ANXA7: variants seen among roughly 807,000 people sequenced by gnomAD.
The protein encoded by ANXA7 is annexin A7.
A neutral mutation model predicts 64.9 loss-of-function variants in ANXA7; 55 were observed. That is an observed-to-expected ratio of 0.85 (90% CI 0.68 to 1.06). The LOEUF is 1.06. Ranked by LOEUF, ANXA7 falls within the 50% of genes least tolerant of loss-of-function variation. The pLI is 0.00. For synonymous variants in ANXA7, 200 were observed against 192.4 expected, an observed-to-expected ratio of 1.04 and a Z score of -0.33; for missense variants, 548 against 582.1, an observed-to-expected ratio of 0.94 and a Z score of 0.60.
At chr10:73,388,487 C>G in intron 5 of ANXA7, 73 bp from the exon 6 acceptor site, 8 of 1,154,558 alleles carry the variant, frequency 6.9e-6, no homozygotes, top group Non-Finnish European at 1.0e-5. Flanking sequence ...AAAGACTTCC[C>G]CAGACATCAA....
chr10:73,378,916 T>G lies in ANXA7; in HGVS notation c.1273A>C (p.Ser425Arg), dbSNP rs773798545. 6.2e-7 allele frequency: 1 copy of G among 1,612,402 alleles called. No homozygotes were observed. The highest frequency in any genetic ancestry group is 8.5e-7 in the Non-Finnish European group (1 of 1,178,762). The part of the protein sequence containing the change: ...STLVRIVVTR[S>R]EIDLVQIKQM... ...AAGAGAGAGGCCTGCCTCACCTCACTTCGAGTGACCACAATCCGGACCAGG... is the reference window on the plus strand; with the variant it reads ...AAGAGAGAGGCCTGCCTCACCTCACGTCGAGTGACCACAATCCGGACCAGG... Residue 425 changes from serine to arginine, a missense_variant, in exon 12 of 13, where the codon AGT becomes CGT. By Grantham distance (110) the Ser-to-Arg change is moderately radical. Transcript: ENST00000372921.
At chr10:73,387,633 T>C (rs962572643) in intron 7 of ANXA7, 56 bp downstream of exon 7, 1 of 1,329,526 alleles carries the variant, frequency 7.5e-7, no homozygotes, top group Non-Finnish European at 1.1e-6. Flanking sequence ...CAATCTGACA[T>C]GAATGCAGAG....
At chr10:73,402,954 A>T (rs927068327) in intron 1 of ANXA7, among the ~76,000 whole-genome samples, 2 of 151,890 alleles carry the variant, frequency 1.3e-5, no homozygotes, top group African/African-American at 2.4e-5. Context: ...CCTCCCAAGT[A>T]GCTGGGATTA....
At position 73,376,188 on chromosome 10, in the gene ANXA7, G is replaced by A. The variant is rs368419790; in HGVS notation, c.1308C>T (p.Phe436=). The A allele has an allele frequency of 6.6e-5, 105 of 1,595,448 alleles. No individual in the cohort carries two copies. Among genetic ancestry groups the A allele is most frequent in the Middle Eastern group, 1.7e-4 (1 of 6,028 alleles). ...CCAGAGTCTTCTGATACATCTGAGC[G>A]AACATCTGTTTTATTTGTACAAGGT... ...EIDLVQIKQM[F]AQMYQKTLGT... The change falls in exon 13 of 13, where the codon TTC becomes TTT. Residue 436 remains phenylalanine (F), a synonymous_variant. Coordinates refer to ENST00000372921, the MANE Select transcript of ANXA7 (RefSeq NM_001156.5).
chr10:73,396,614 G>A (rs750231695), intron 4 of ANXA7, 31 bp from the exon 5 acceptor site: 21 of 1,409,278 alleles, frequency 1.5e-5, no homozygotes, highest in Middle Eastern at 1.8e-4. Flanking sequence ...ATAATAATAC[G>A]GCAACAGGTC....
intron 1 of ANXA7, among the ~76,000 whole-genome samples, chr10:73,409,686 C>CA (rs2055810441): frequency 6.6e-6 from 1 of 152,036 alleles, no homozygotes; most frequent in South Asian, 2.1e-4. Flanking sequence ...TAATATGGAA[C>CA]AAAAAACAGC....
At chr10:73,410,050 T>C (rs2055815418) in intron 1 of ANXA7, among the ~76,000 whole-genome samples, 1 of 151,980 alleles carries the variant, frequency 6.6e-6, no homozygotes, top group South Asian at 2.1e-4. Flanking sequence ...CCTGAAACTA[T>C]AAAAATTCTA....
intron 1 of ANXA7, among the ~76,000 whole-genome samples, chr10:73,401,271 C>CA (rs968338148): frequency 2.9e-3 from 439 of 150,724 alleles, no homozygotes; most frequent in African/African-American, 9.7e-3. Context: ...ACAACACACA[C>CA]ACACACACAC....
chr10:73,404,639 T>A (rs145752202), intron 1 of ANXA7, among the ~76,000 whole-genome samples: 19 of 152,212 alleles, frequency 1.2e-4, no homozygotes, highest in African/African-American at 4.3e-4. Context: ...CATTACACTC[T>A]CCTGTCCATT....
intron 1 of ANXA7, among the ~76,000 whole-genome samples, chr10:73,411,928 T>A (rs914927826): frequency 2.7e-5 from 4 of 150,068 alleles, no homozygotes; most frequent in African/African-American, 9.8e-5. Context: ...GTGTAAAAAA[T>A]GCACTGATTT....
chr10:73,396,208 C>T, intron 5 of ANXA7: 1 of 790,932 alleles, frequency 1.3e-6, no homozygotes. Context: ...CACCCAAATT[C>T]ATAGGTGTAA....
intron 1 of ANXA7, among the ~76,000 whole-genome samples, chr10:73,403,498 AC>A (rs1034147356): frequency 6.6e-6 from 1 of 152,162 alleles, no homozygotes; most frequent in African/African-American, 2.4e-5. Context: ...TTAAAAAAAA[AC>A]AAAACAACAA....
At chr10:73,412,323 C>T (rs1042030002) in intron 1 of ANXA7, among the ~76,000 whole-genome samples, 11 of 152,208 alleles carry the variant, frequency 7.2e-5, no homozygotes, top group African/African-American at 2.2e-4. Flanking sequence ...GCGACAGCCA[C>T]TGCGCCCGGC....
chr10:73,400,956 G>A, intron 1 of ANXA7, 99 bp from the exon 2 acceptor site: 1 of 994,534 alleles, frequency 1.0e-6, no homozygotes, highest in Non-Finnish European at 1.4e-6. Flanking sequence ...CACCAGGTTG[G>A]AGTGCAGTGG....
intron 12 of ANXA7, among the ~76,000 whole-genome samples, chr10:73,377,826 C>CGT (rs58404250): frequency 0.12 from 14,776 of 122,154 alleles, 946 homozygotes; most frequent in Non-Finnish European, 0.14. Context: ...TAGGTTTCAC[C>CGT]GTGTGTGTGT....
At chr10:73,395,446 T>TA (rs955837113) in intron 5 of ANXA7, among the ~76,000 whole-genome samples, 10 of 152,138 alleles carry the variant, frequency 6.6e-5, no homozygotes, top group African/African-American at 2.2e-4. Flanking sequence ...GCATAGGCTA[T>TA]AAAAAAATTA....
intron 4 of ANXA7, among the ~76,000 whole-genome samples, chr10:73,396,794 T>G (rs1216724630): frequency 6.6e-6 from 1 of 152,196 alleles, no homozygotes; most frequent in Non-Finnish European, 1.5e-5. Context: ...CTACATAAGA[T>G]CCTCATAAAT....
chr10:73,404,354 C>T (rs1352439757), intron 1 of ANXA7, among the ~76,000 whole-genome samples: 1 of 152,152 alleles, frequency 6.6e-6, no homozygotes, highest in Non-Finnish European at 1.5e-5. Context: ...AAAAGGTGCT[C>T]ATTTCCATTT....
chr10:73,378,777 T>C (rs770322241), intron 12 of ANXA7, 134 bp downstream of exon 12: 47 of 672,594 alleles, frequency 7.0e-5, no homozygotes, highest in Non-Finnish European at 1.1e-4. Context: ...CTGTTCTTTA[T>C]ACCACCTCTT....
Sources: gnomAD v4.1 joint callset for allele counts (sites outside exome capture counted in the v4.1 genomes callset) on GRCh38, gnomAD v4.1.1 for gene constraint, MANE v1.5 for transcripts, NCBI Gene and HGNC (gene_info 2026-07-23, HGNC 2026-07-21) for gene names.